Variants in TALDO1 observed in about 807,000 individuals in gnomAD.
TALDO1 encodes the protein transaldolase.
In TALDO1, 29 loss-of-function variants were observed where a neutral mutation model predicts 38.1. That is an observed-to-expected ratio of 0.76 (90% CI 0.57 to 1.04). The LOEUF is 1.04. TALDO1 is among the 50% of genes least tolerant of loss of function. The pLI is 0.00. For missense variants in TALDO1, 499 were observed against 438.1 expected (o/e 1.14, Z -1.24); for synonymous variants, 207 against 176.8 (o/e 1.17, Z -1.36).
Position 763,615 on chromosome 11 carries a change from G to C in TALDO1, c.637+96G>C, listed in dbSNP as rs1038256918. The stretch of plus-strand genomic sequence containing the variant: ...GACGGAGCTGCCGCATCAACAAGCA[G>C]TGAGGTGCACAGGTCGGCGCGGGGC... On this transcript the variant is annotated intron_variant, in intron 5 of 7. Coordinates refer to ENST00000319006, the MANE Select transcript of TALDO1 (RefSeq NM_006755.2). The C allele has an allele frequency of 1.0e-5, 16 of 1,582,668 alleles. No homozygotes were observed. In the African/African-American group the frequency reaches 1.9e-4, roughly 19 times the overall value.
chr11:748,371 T>C (rs1256377533), intron 1 of TALDO1, among the ~76,000 whole-genome samples: 2 of 151,946 alleles, frequency 1.3e-5, no homozygotes, highest in Admixed American at 6.6e-5. Context: ...ATACTGGATT[T>C]TCCTGGGCTT....
Position 763,853 on chromosome 11 carries a change from C to T in TALDO1, c.744C>T (p.Ala248=), listed in dbSNP as rs767949239. 101 of 1,613,846 alleles carry T rather than the reference C, an allele frequency of 6.3e-5. No individual in the cohort carries two copies. The highest frequency in any genetic ancestry group is 1.6e-4 in the East Asian group (7 of 44,896). ...FRNTGEIKAL[A]GCDFLTISPK... is the part of the protein sequence containing the mutation. ...ACACGGGCGAGATCAAAGCACTGGCCGGCTGTGACTTCCTCACCATCTCAC... is the reference window on the plus strand; with the variant it reads ...ACACGGGCGAGATCAAAGCACTGGCTGGCTGTGACTTCCTCACCATCTCAC... Residue 248 remains alanine, a synonymous_variant, in exon 6 of 8, where the codon GCC becomes GCT. Coordinates refer to ENST00000319006, the MANE Select transcript of TALDO1 (RefSeq NM_006755.2).
At chr11:753,978 GAA>G (rs1009439034) in intron 1 of TALDO1, among the ~76,000 whole-genome samples, 1 of 151,220 alleles carries the variant, frequency 6.6e-6, no homozygotes, top group Non-Finnish European at 1.5e-5. Flanking sequence ...TTACTCTGAA[GAA>G]AAAAACTTTT....
intron 1 of TALDO1, among the ~76,000 whole-genome samples, chr11:754,942 GTCTT>G (rs1472841719): frequency 6.6e-6 from 1 of 151,924 alleles, no homozygotes; most frequent in East Asian, 1.9e-4. Flanking sequence ...GGCTAATTTA[GTCTT>G]TCTATGAAAC....
At chr11:763,703 A>G (rs1862996819) in intron 5 of TALDO1, 44 bp from the exon 6 acceptor site, 3 of 1,603,100 alleles carry the variant, frequency 1.9e-6, no homozygotes, top group Admixed American at 1.7e-5. Flanking sequence ...GTGGGGTGGT[A>G]CCTCTGCCGA....
intron 1 of TALDO1, among the ~76,000 whole-genome samples, chr11:748,253 G>A (rs1862692505): frequency 6.6e-6 from 1 of 152,216 alleles, no homozygotes; most frequent in South Asian, 2.1e-4. Context: ...TGCCCAGTGG[G>A]ACAACTCCGT....
At chr11:751,652 G>A (rs566269880) in intron 1 of TALDO1, among the ~76,000 whole-genome samples, 16 of 152,188 alleles carry the variant, frequency 1.1e-4, no homozygotes, top group East Asian at 3.9e-4. Context: ...AAAATTAGCC[G>A]GGTATGGTGG....
intron 1 of TALDO1, among the ~76,000 whole-genome samples, chr11:750,703 T>C: frequency 6.6e-6 from 1 of 151,934 alleles, no homozygotes; most frequent in East Asian, 1.9e-4. Context: ...CGGGCGCCTG[T>C]AGTCCCAGCT....
intron 5 of TALDO1, 38 bp downstream of exon 5, chr11:763,557 G>C: frequency 6.2e-7 from 1 of 1,612,014 alleles, no homozygotes; most frequent in Non-Finnish European, 8.5e-7. Flanking sequence ...AAGGGGAGCA[G>C]CCTCAGCAGC....
chr11:749,168 G>A (rs1018587900), intron 1 of TALDO1, among the ~76,000 whole-genome samples: 3 of 152,188 alleles, frequency 2.0e-5, no homozygotes, highest in African/African-American at 7.2e-5. Flanking sequence ...ACTTTGGGAG[G>A]TTGAGGCAGG....
chr11:760,571 G>T, intron 4 of TALDO1: 1 of 362,060 alleles, frequency 2.8e-6, no homozygotes, highest in Non-Finnish European at 5.3e-6. Context: ...ATCAACACAA[G>T]CCTATGTTTA....
At position 763,382 on chromosome 11, in the gene TALDO1, C is replaced by T. The variant is rs765022845; in HGVS notation, c.500C>T (p.Thr167Met). 1.2e-5 allele frequency: 19 copies of T among 1,608,930 alleles called. No homozygotes were observed. The highest frequency in any genetic ancestry group is 2.2e-5 in the East Asian group (1 of 44,596). Residue 167 changes from threonine (T) to methionine (M), a missense_variant, in exon 5 of 8, where the codon ACG becomes ATG. Thr to Met is a moderately conservative substitution (Grantham distance 81). Coordinates refer to ENST00000319006, the MANE Select transcript of TALDO1 (RefSeq NM_006755.2). ...EEQHGIHCNMTLLFSFAQAVA... is the reference protein window; with the variant it reads ...EEQHGIHCNMMLLFSFAQAVA... The stretch of plus-strand genomic sequence containing the variant: ...CAGCACGGCATCCACTGCAACATGA[C>T]GTTACTCTTCTCCTTCGCCCAGGCT...
chr11:759,019 G>A lies in TALDO1; in HGVS notation c.291G>A (p.Lys97=), dbSNP rs1263806290. 6.2e-7 allele frequency: 1 copy of A among 1,613,212 alleles called. No homozygotes were observed. Among genetic ancestry groups the A allele is most frequent in the Admixed American group, 1.7e-5 (1 of 59,974 alleles). The part of the protein sequence containing the change: ...LFVLFGAEIL[K]KIPGRVSTEV... ...TGTTGTTTGGAGCAGAAATACTAAAGAAGATTCCGGGCCGAGTATCCACAG... is the reference window on the plus strand; with the variant it reads ...TGTTGTTTGGAGCAGAAATACTAAAAAAGATTCCGGGCCGAGTATCCACAG... Residue 97 remains lysine, a synonymous_variant, in exon 3 of 8, where the codon AAG becomes AAA. Transcript: ENST00000319006.
chr11:754,458 ATATT>A (rs1367055595), intron 1 of TALDO1, among the ~76,000 whole-genome samples: 1 of 152,048 alleles, frequency 6.6e-6, no homozygotes, highest in Non-Finnish European at 1.5e-5. Context: ...ACTGAATGCG[ATATT>A]TATTTATTTG....
intron 4 of TALDO1, among the ~76,000 whole-genome samples, chr11:761,622 G>GC (rs765643513): frequency 3.1e-4 from 47 of 152,272 alleles, no homozygotes; most frequent in Admixed American, 9.8e-4. Flanking sequence ...CAAATAATTC[G>GC]CATCAGGAAG....
intron 4 of TALDO1, among the ~76,000 whole-genome samples, chr11:762,658 G>A (rs968949051): frequency 1.3e-5 from 2 of 152,260 alleles, no homozygotes; most frequent in African/African-American, 4.8e-5. Context: ...TGTGTCTGAA[G>A]GTGCCTGAGC....
In TALDO1 at chr11:763,902, C is replaced by T. The variant is rs1277253228; in HGVS notation, c.793C>T (p.Gln265Ter). 2 of 1,612,606 alleles carry T rather than the reference C, an allele frequency of 1.2e-6. No individual in the cohort carries two copies. The highest frequency in any genetic ancestry group is 1.7e-6 in the Non-Finnish European group (2 of 1,179,946). The change falls in exon 6 of 8, where the codon CAG (glutamine) becomes TAG (stop). Residue 265 changes from glutamine to a stop codon, truncating the protein, a stop_gained. Coordinates refer to ENST00000319006, the MANE Select transcript of TALDO1 (RefSeq NM_006755.2). LOFTEE classifies it high-confidence loss of function. The part of the protein sequence containing the change: ...ISPKLLGELL[Q>*]DNAKLVPVLS... Reference sequence around the variant, plus strand: ...ACCCAAGCTCCTGGGAGAGCTGCTGCAGGACAACGCCAAGCTGGTGCCTGT... The same window carrying T: ...ACCCAAGCTCCTGGGAGAGCTGCTGTAGGACAACGCCAAGCTGGTGCCTGT...
chr11:754,798 T>G (rs1159517671), intron 1 of TALDO1, among the ~76,000 whole-genome samples: 1 of 152,002 alleles, frequency 6.6e-6, no homozygotes, highest in African/African-American at 2.4e-5. Context: ...AGAGATAGGG[T>G]CTTGCTCTCT....
rs867668335 is a variant in TALDO1 at position 756,519 on chromosome 11, T to A, written c.221+517T>A. Among the ~76,000 whole-genome samples the A allele has an allele frequency of 4.3e-3, 643 of 150,112 alleles. 2 individuals carry two copies. The highest frequency in any genetic ancestry group is 0.017 in the Middle Eastern group (5 of 292). On this transcript the variant is annotated intron_variant, in intron 2 of 7. Coordinates refer to ENST00000319006, the MANE Select transcript of TALDO1 (RefSeq NM_006755.2). ...CTCCTGGCTCATTTTTGTATTTTTT[T>A]TTTTTTTTTTTTTGAGACAGAGTTT...
Sources: allele counts gnomAD v4.1 joint callset (sites outside exome capture counted in the v4.1 genomes callset), GRCh38; gene constraint gnomAD v4.1.1; transcripts MANE v1.5; gene names NCBI Gene and HGNC (gene_info 2026-07-23, HGNC 2026-07-21).